Variants in MAPT observed in about 807,000 individuals in gnomAD.
MAPT encodes the protein microtubule associated protein tau.
MAPT carries 34 observed loss-of-function variants against 67.9 expected under a neutral mutation model. The ratio of observed to expected loss-of-function variants is 0.50; its 90% confidence interval spans 0.38 to 0.67. MAPT has a LOEUF of 0.67. Ranked by LOEUF, MAPT falls within the 30% of genes least tolerant of loss-of-function variation. The pLI, the probability that MAPT is intolerant of heterozygous loss-of-function variation, is 0.00. For synonymous variants in MAPT, 456 were observed against 464.5 expected, an observed-to-expected ratio of 0.98 and a Z score of 0.23; for missense variants, 881 against 1,115.2, an observed-to-expected ratio of 0.79 and a Z score of 2.99.
chr17:45,993,506 C>G (rs2074236937), intron 8 of MAPT, among the ~76,000 whole-genome samples: 1 of 152,210 alleles, frequency 6.6e-6, no homozygotes, highest in African/African-American at 2.4e-5. Flanking sequence ...CTCTGCTTCC[C>G]AAATTCAAGC....
chr17:45,984,355 G>C (rs534703874), intron 5 of MAPT, among the ~76,000 whole-genome samples: 3 of 152,354 alleles, frequency 2.0e-5, no homozygotes, highest in South Asian at 2.1e-4. Context: ...GGAAACGGAG[G>C]CTCAGAGAAG....
chr17:45,948,029 C>T (rs2068680124), intron 1 of MAPT, among the ~76,000 whole-genome samples: 1 of 147,702 alleles, frequency 6.8e-6, no homozygotes, highest in African/African-American at 2.4e-5. Flanking sequence ...TATTTTGAGA[C>T]AGAGTCTTAC....
intron 1 of MAPT, among the ~76,000 whole-genome samples, chr17:45,928,400 C>T (rs2066551956): frequency 6.6e-6 from 1 of 151,924 alleles, no homozygotes; most frequent in Non-Finnish European, 1.5e-5. Context: ...CCAACACCCA[C>T]ACTACACAGG....
At chr17:45,933,801 C>T (rs557349243) in intron 1 of MAPT, among the ~76,000 whole-genome samples, 1 of 150,986 alleles carries the variant, frequency 6.6e-6, no homozygotes, top group South Asian at 2.1e-4. Context: ...CTGGGTCTCT[C>T]AGTGCTCCAC....
intron 12 of MAPT, among the ~76,000 whole-genome samples, chr17:46,022,526 G>T (rs1375942987): frequency 1.3e-5 from 2 of 152,068 alleles, no homozygotes; most frequent in African/African-American, 4.8e-5. Flanking sequence ...CGCATCCATG[G>T]ACTCCTAAAA....
Position 46,027,974 on chromosome 17 carries a change from C to CA in MAPT, c.*3803_*3804insA, listed in dbSNP as rs1391329319. Reference sequence around the variant, plus strand: ...CATCTTTGTTCTCCAAGTAAAGCCACGAGGTCGGGGCGAGGGCAGAGGTGA... The same window carrying CA: ...CATCTTTGTTCTCCAAGTAAAGCCACAGAGGTCGGGGCGAGGGCAGAGGTGA... On this transcript the variant is annotated 3_prime_UTR_variant, in exon 13 of 13. Coordinates refer to ENST00000262410, the MANE Select transcript of MAPT (RefSeq NM_001377265.1). The CA allele has an allele frequency of 5.2e-5, 8 of 153,848 alleles. No individual in the cohort carries two copies. The highest frequency in any genetic ancestry group is 1.7e-4 in the African/African-American group (7 of 41,586). The allele number at this position is 153,848 out of a possible 1,614,324, so 9.5% of individuals were successfully genotyped here.
At chr17:45,929,977 G>A (rs1049882806) in intron 1 of MAPT, among the ~76,000 whole-genome samples, 1 of 152,160 alleles carries the variant, frequency 6.6e-6, no homozygotes, top group East Asian at 1.9e-4. Flanking sequence ...TCCTTCCTGG[G>A]TAAGGTTTTG....
chr17:45,939,099 C>A (rs2067630299), intron 1 of MAPT, among the ~76,000 whole-genome samples: 1 of 152,088 alleles, frequency 6.6e-6, no homozygotes, highest in Non-Finnish European at 1.5e-5. Context: ...CAGGTGTAAG[C>A]CAACATGCCC....
chr17:45,988,508 C>A (rs1486199749), intron 6 of MAPT, among the ~76,000 whole-genome samples: 1 of 152,236 alleles, frequency 6.6e-6, no homozygotes, highest in Non-Finnish European at 1.5e-5. Context: ...CCAGGGCCCC[C>A]CCCAGCCCCG....
rs1163219570 is a variant in MAPT at position 45,971,835 on chromosome 17, G to C, written c.134-24G>C. 2 of 1,558,454 alleles carry C rather than the reference G, an allele frequency of 1.3e-6. No individual in the cohort carries two copies. Among genetic ancestry groups the C allele is most frequent in the South Asian group, 2.2e-5 (2 of 90,042 alleles). On this transcript the variant is annotated intron_variant, in intron 2 of 12. Coordinates refer to ENST00000262410, the MANE Select transcript of MAPT (RefSeq NM_001377265.1). This position sits in a 1 kb window ranked among gnomAD's most constrained non-coding sequence, Gnocchi z 4.3. ...GGCGCTGGGGAGAGGCCACCGTTCT[G>C]AGGGCTCACTGTATGTGTTCCAGAA... is the stretch of plus-strand genomic sequence containing the variant.
intron 1 of MAPT, among the ~76,000 whole-genome samples, chr17:45,952,170 T>C (rs2069152633): frequency 6.6e-6 from 1 of 152,232 alleles, no homozygotes. Context: ...TCACTATCTT[T>C]GCATGGGAGT....
At chr17:45,970,147 T>A (rs2071511066) in intron 2 of MAPT, among the ~76,000 whole-genome samples, 1 of 152,034 alleles carries the variant, frequency 6.6e-6, no homozygotes, top group South Asian at 2.1e-4. Context: ...CAATTACACA[T>A]CCATCCAGTT....
chr17:45,974,518 G>T (rs761561882), intron 3 of MAPT: 1 of 1,474,418 alleles, frequency 6.8e-7, no homozygotes, highest in Non-Finnish European at 9.3e-7. Context: ...GCCCTGCTGG[G>T]TGCCCCAGCT....
chr17:45,994,092 G>A, intron 8 of MAPT: 1 of 987,252 alleles, frequency 1.0e-6, no homozygotes. Context: ...TTCACACAGG[G>A]TTCGCAGCCT....
chr17:46,024,679 G>A lies in MAPT; in HGVS notation c.*508G>A. ...ATGTCAACCTTGTGTGAGTGTGACGGGGGTTGGGGTGGGGCGGGAGGCCAC... is the reference window on the plus strand; with the variant it reads ...ATGTCAACCTTGTGTGAGTGTGACGAGGGTTGGGGTGGGGCGGGAGGCCAC... On this transcript the variant is annotated 3_prime_UTR_variant, in exon 13 of 13. Transcript: ENST00000262410. 4.8e-6 allele frequency: 1 copy of A among 209,310 alleles called. No homozygotes were observed. Among genetic ancestry groups the A allele is most frequent in the Non-Finnish European group, 9.8e-6 (1 of 101,668 alleles). 13.0% of individuals were successfully genotyped at this position (209,310 alleles called of 1,614,324 possible).
chr17:46,005,613 C>A (rs1353114715), intron 9 of MAPT, among the ~76,000 whole-genome samples: 1 of 152,076 alleles, frequency 6.6e-6, no homozygotes, highest in Non-Finnish European at 1.5e-5. Context: ...AAAAAATAAT[C>A]CGCAAAGAAG....
rs919170578 is a variant in MAPT at position 46,024,914 on chromosome 17, GC to G, written c.*744del. On this transcript the variant is annotated 3_prime_UTR_variant, in exon 13 of 13. Transcript: ENST00000262410. ...GGGTCAGTGTGCCACCCTCTGCAGGGCAGCCTGTGGGAGAAGGGACAGCGGG... is the reference window on the plus strand; with the variant it reads ...GGGTCAGTGTGCCACCCTCTGCAGGGAGCCTGTGGGAGAAGGGACAGCGGG... 1 of 154,528 alleles carries G rather than the reference GC, an allele frequency of 6.5e-6. No homozygotes were observed. The highest frequency in any genetic ancestry group is 1.4e-5 in the Non-Finnish European group (1 of 69,580). 9.6% of individuals were successfully genotyped at this position (154,528 alleles called of 1,614,324 possible).
At position 45,971,842 on chromosome 17, in the gene MAPT, C is replaced by A; in HGVS notation, c.134-17C>A. The A allele has an allele frequency of 6.3e-7, 1 of 1,585,928 alleles. No individual in the cohort carries two copies. The highest frequency in any genetic ancestry group is 8.7e-7 in the Non-Finnish European group (1 of 1,154,406). On this transcript the variant is annotated splice_polypyrimidine_tract_variant and intron_variant, in intron 2 of 12. Transcript: ENST00000262410. This position sits in a 1 kb window ranked among gnomAD's most constrained non-coding sequence, Gnocchi z 4.3. ...GGGAGAGGCCACCGTTCTGAGGGCT[C>A]ACTGTATGTGTTCCAGAATCTCCCC... is the stretch of plus-strand genomic sequence containing the variant.
At chr17:45,990,164 C>T in intron 7 of MAPT, 89 bp downstream of exon 7, 1 of 1,231,704 alleles carries the variant, frequency 8.1e-7, no homozygotes, top group Non-Finnish European at 1.2e-6. Flanking sequence ...GCCTCAAAGA[C>T]CTTTCTTCAA....
Sources: allele counts gnomAD v4.1 joint callset (sites outside exome capture counted in the v4.1 genomes callset), GRCh38; gene constraint gnomAD v4.1.1; non-coding constraint Gnocchi (gnomAD v3.1); transcripts MANE v1.5; gene names NCBI Gene and HGNC (gene_info 2026-07-23, HGNC 2026-07-21).